Variants in C1orf146 observed in about 807,000 individuals in gnomAD.
C1orf146 encodes protein SPO16 homolog.
A neutral mutation model predicts 23.0 loss-of-function variants in C1orf146; 22 were observed. That is an observed-to-expected ratio of 0.96 (90% CI 0.68 to 1.36). The LOEUF (loss-of-function observed/expected upper bound fraction) is 1.36. C1orf146 is among the 40% of genes most tolerant of loss of function. The probability of loss-of-function intolerance (pLI) is 0.00; values close to 1 mark genes in which losing one functional copy is unlikely to be tolerated. For synonymous variants in C1orf146, 59 were observed against 65.3 expected (o/e 0.90, Z 0.47); for missense variants, 199 against 206.8 (o/e 0.96, Z 0.23).
chr1:92,226,273 C>T (rs1651965879), intron 1 of C1orf146, among the ~76,000 whole-genome samples: 1 of 151,958 alleles, frequency 6.6e-6, no homozygotes, highest in South Asian at 2.1e-4. Context: ...TTAGTACTTT[C>T]TCTGGATACT....
chr1:92,240,990 C>A (rs56297403), intron 2 of C1orf146: 8,120 of 441,222 alleles, frequency 0.018, 340 homozygotes, highest in African/African-American at 0.11. Flanking sequence ...TTTTATGACT[C>A]ATCTAAGGCT....
Position 92,242,250 on chromosome 1 carries a change from C to CA in C1orf146, c.108dup (p.Val37SerfsTer27). On this transcript the variant is annotated frameshift_variant, in exon 3 of 6. Transcript: ENST00000370375. LOFTEE classifies it high-confidence loss of function. Reference sequence around the variant, plus strand: ...CAACTGCCCTAGAAAATCGAAGCCACAAAGTTCGATATTCAGATTCAGTGG... The same window carrying CA: ...CAACTGCCCTAGAAAATCGAAGCCACAAAAGTTCGATATTCAGATTCAGTGG... The CA allele has an allele frequency of 6.2e-7, 1 of 1,602,458 alleles. No homozygotes were observed. Among genetic ancestry groups the CA allele is most frequent in the Non-Finnish European group, 8.5e-7 (1 of 1,173,922 alleles).
Position 92,220,863 on chromosome 1 carries a change from C to G in C1orf146, c.-40+2815C>G, listed in dbSNP as rs375400769. ...GCATTCTTGTATAAGTCTCTTAGTA[C>G]AGATCACATGCATTTCTGTTGAGCA... On this transcript the variant is annotated intron_variant, in intron 1 of 5. Coordinates refer to ENST00000370375, the MANE Select transcript of C1orf146 (RefSeq NM_001012425.2). Among the ~76,000 whole-genome samples the G allele has an allele frequency of 2.2e-4, 34 of 152,298 alleles. No individual in the cohort carries two copies. The East Asian group carries it at 6.2e-3, about 28-fold the overall frequency.
rs537389373 is a variant in C1orf146 at position 92,242,213 on chromosome 1, G to C, written c.68G>C (p.Ser23Thr). 8 of 1,561,586 alleles carry C rather than the reference G, an allele frequency of 5.1e-6. No individual in the cohort carries two copies. The East Asian group carries it at 1.6e-4, about 31-fold the overall frequency. ...TATTTCTGATATTTTTTAAAAAAGA[G>C]TTATGAAGTTGCAACTGCCCTAGAA... ...TTIIISSSLK[S>T]YEVATALENR... The change falls in exon 3 of 6, where the codon AGT becomes ACT. Residue 23 changes from serine to threonine, a missense_variant and splice_region_variant. Physicochemically the swap from Ser to Thr is moderately conservative, Grantham distance 58. Coordinates refer to ENST00000370375, the MANE Select transcript of C1orf146 (RefSeq NM_001012425.2).
chr1:92,221,281 G>A (rs1286255763), intron 1 of C1orf146, among the ~76,000 whole-genome samples: 1 of 152,078 alleles, frequency 6.6e-6, no homozygotes, highest in African/African-American at 2.4e-5. Flanking sequence ...GCTAACCATT[G>A]AGTACATATG....
Position 92,244,845 on chromosome 1 carries a change from C to T in C1orf146, c.396C>T (p.Cys132=). The T allele has an allele frequency of 6.3e-7, 1 of 1,596,630 alleles. No individual in the cohort carries two copies. Among genetic ancestry groups the T allele is most frequent in the African/African-American group, 1.3e-5 (1 of 74,736 alleles). ...CAGTAAATGCTATTAATCTTATGTGCACTATAGCAAAGGTGAGTCACCCGT... is the reference window on the plus strand; with the variant it reads ...CAGTAAATGCTATTAATCTTATGTGTACTATAGCAAAGGTGAGTCACCCGT... The part of the protein sequence containing the change: ...HNTVNAINLM[C]TIAKTTSKPY... Residue 132 remains cysteine (C), a synonymous_variant, in exon 5 of 6, where the codon TGC becomes TGT. Coordinates refer to ENST00000370375, the MANE Select transcript of C1orf146 (RefSeq NM_001012425.2).
intron 1 of C1orf146, among the ~76,000 whole-genome samples, chr1:92,224,017 TTTATTTA>T (rs1297526530): frequency 1.6e-3 from 23 of 14,330 alleles, no homozygotes; most frequent in South Asian, 4.0e-3. Flanking sequence ...TTTTATTTTA[TTTATTTA>T]TTTATTTATT....
intron 3 of C1orf146, among the ~76,000 whole-genome samples, chr1:92,243,164 G>T (rs1652470918): frequency 6.6e-6 from 1 of 152,086 alleles, no homozygotes; most frequent in Non-Finnish European, 1.5e-5. Flanking sequence ...CTTATGTTCA[G>T]AGAGGTTATA....
chr1:92,241,193 A>C (rs1018311523), intron 2 of C1orf146, among the ~76,000 whole-genome samples: 6 of 62,230 alleles, frequency 9.6e-5, no homozygotes, highest in Non-Finnish European at 1.5e-4. Context: ...GTTGCTTATT[A>C]TTATTATTAT....
intron 2 of C1orf146, among the ~76,000 whole-genome samples, chr1:92,234,928 G>C (rs1652238736): frequency 6.6e-6 from 1 of 152,172 alleles, no homozygotes. Context: ...TCTGATGGTA[G>C]TTTGTATTTC....
chr1:92,233,761 T>C (rs1652195943), intron 2 of C1orf146, among the ~76,000 whole-genome samples: 1 of 152,216 alleles, frequency 6.6e-6, no homozygotes. Context: ...GTTCTTCCAT[T>C]TGTTTGTATC....
intron 2 of C1orf146, among the ~76,000 whole-genome samples, chr1:92,231,850 C>A (rs1186380877): frequency 9.2e-5 from 14 of 152,000 alleles, no homozygotes; most frequent in Admixed American, 9.2e-4. Context: ...CTTGGCAGCA[C>A]TGGAATGAGA....
intron 4 of C1orf146, 98 bp from the exon 5 acceptor site, chr1:92,244,681 A>G: frequency 1.2e-6 from 1 of 811,606 alleles, no homozygotes; most frequent in Non-Finnish European, 2.0e-6. Flanking sequence ...ATGCATAGAC[A>G]AATAACAAAC....
chr1:92,232,896 A>G (rs1427406624), intron 2 of C1orf146, among the ~76,000 whole-genome samples: 1 of 152,156 alleles, frequency 6.6e-6, no homozygotes, highest in East Asian at 1.9e-4. Flanking sequence ...TTTTGGCTGC[A>G]TAAATGTCTT....
chr1:92,235,704 G>A (rs1277708081), intron 2 of C1orf146, among the ~76,000 whole-genome samples: 3 of 152,278 alleles, frequency 2.0e-5, no homozygotes, highest in South Asian at 2.1e-4. Flanking sequence ...AATGTTGACA[G>A]TGGGGTGTTA....
intron 1 of C1orf146, among the ~76,000 whole-genome samples, chr1:92,226,416 T>TACAC (rs796686364): frequency 1.8e-5 from 2 of 113,990 alleles, no homozygotes; most frequent in African/African-American, 5.4e-5. Flanking sequence ...CACACACACA[T>TACAC]ACACACACAC....
intron 1 of C1orf146, among the ~76,000 whole-genome samples, chr1:92,223,634 G>A (rs934619925): frequency 6.6e-6 from 1 of 152,080 alleles, no homozygotes. Context: ...CTGGGCTCAA[G>A]CGATTCTCCT....
chr1:92,225,492 C>T (rs1211977239), intron 1 of C1orf146, among the ~76,000 whole-genome samples: 1 of 152,150 alleles, frequency 6.6e-6, no homozygotes, highest in Non-Finnish European at 1.5e-5. Context: ...TGTTTGTTTT[C>T]ACTCATTTCA....
chr1:92,224,941 C>T (rs1253993587), intron 1 of C1orf146, among the ~76,000 whole-genome samples: 2 of 151,950 alleles, frequency 1.3e-5, no homozygotes, highest in Non-Finnish European at 2.9e-5. Context: ...CGGGGTTTCA[C>T]CATGTTGGCT....
Sources: gnomAD v4.1 joint callset for allele counts (sites outside exome capture counted in the v4.1 genomes callset) on GRCh38, gnomAD v4.1.1 for gene constraint, MANE v1.5 for transcripts, NCBI Gene and HGNC (gene_info 2026-07-23, HGNC 2026-07-21) for gene names.